The following AKAP6 variants were observed in gnomAD, a reference collection of about 807,000 sequenced individuals.
The protein encoded by AKAP6 is A-kinase anchoring protein 6.
In AKAP6, 58 loss-of-function variants were observed where a neutral mutation model predicts 188.5. That is an observed-to-expected ratio of 0.31 (90% confidence interval 0.25 to 0.38). The LOEUF (loss-of-function observed/expected upper bound fraction) is 0.38. AKAP6 is among the 10% of genes least tolerant of loss of function. AKAP6 has a pLI of 1.00. For missense variants in AKAP6, 2,710 were observed against 2,740.0 expected (o/e 0.99, Z 0.24); for synonymous variants, 989 against 998.6 (o/e 0.99, Z 0.18).
intron 12 of AKAP6, among the ~76,000 whole-genome samples, chr14:32,820,821 G>A (rs564689487): frequency 7.2e-5 from 11 of 152,212 alleles, no homozygotes; most frequent in African/African-American, 2.4e-4. Flanking sequence ...CCCTGAATAG[G>A]AACACAGAGG....
intron 4 of AKAP6, among the ~76,000 whole-genome samples, chr14:32,570,157 A>T (rs1884412729): frequency 8.7e-6 from 1 of 114,954 alleles, no homozygotes; most frequent in Non-Finnish European, 1.7e-5. Context: ...TTTGAGACAG[A>T]GTCTGTCTCT....
At chr14:32,576,975 G>A in intron 4 of AKAP6, 145 bp from the exon 5 acceptor site, 1 of 892,590 alleles carries the variant, frequency 1.1e-6, no homozygotes, top group South Asian at 1.9e-5. Flanking sequence ...TTCCATTACA[G>A]CAAAGATGAA....
chr14:32,371,035 T>C (rs891543725), intron 1 of AKAP6, among the ~76,000 whole-genome samples: 2 of 152,168 alleles, frequency 1.3e-5, no homozygotes, highest in Non-Finnish European at 2.9e-5. Flanking sequence ...TAAATAGTAG[T>C]ACTGAGAAGT....
chr14:32,404,504 T>G (rs1889208678), intron 1 of AKAP6, among the ~76,000 whole-genome samples: 6 of 151,558 alleles, frequency 4.0e-5, no homozygotes, highest in African/African-American at 1.5e-4. Flanking sequence ...GTGCACATCC[T>G]GTGATATTTC....
intron 7 of AKAP6, among the ~76,000 whole-genome samples, chr14:32,621,659 A>G (rs920651328): frequency 1.3e-5 from 2 of 152,090 alleles, no homozygotes; most frequent in Admixed American, 1.3e-4. Context: ...GTTCTTAGGT[A>G]GAATGTTCTG....
intron 1 of AKAP6, among the ~76,000 whole-genome samples, chr14:32,404,711 T>TATATATATATATATATATATATA (rs1555325855): frequency 1.7e-3 from 212 of 128,334 alleles, no homozygotes; most frequent in Middle Eastern, 4.0e-3. Context: ...TATATATATA[T>TATATATATATATATATATATATA]TAGTCAGAAT....
chr14:32,564,112 A>G (rs1414414272), intron 4 of AKAP6, among the ~76,000 whole-genome samples: 3 of 152,142 alleles, frequency 2.0e-5, no homozygotes, highest in Non-Finnish European at 4.4e-5. Flanking sequence ...GTTACTTGTA[A>G]TATCTAATAT....
intron 9 of AKAP6, among the ~76,000 whole-genome samples, chr14:32,730,142 T>G (rs1315681274): frequency 1.3e-5 from 2 of 152,102 alleles, no homozygotes; most frequent in African/African-American, 4.8e-5. Flanking sequence ...TCAATATGCT[T>G]CAAAAATTAA....
intron 1 of AKAP6, among the ~76,000 whole-genome samples, chr14:32,345,346 T>G (rs1887033731): frequency 6.6e-6 from 1 of 152,184 alleles, no homozygotes; most frequent in South Asian, 2.1e-4. Flanking sequence ...AGGAACAAAA[T>G]TGCCTGAAGG....
chr14:32,745,325 A>G (rs943855576), intron 11 of AKAP6, among the ~76,000 whole-genome samples: 1 of 152,186 alleles, frequency 6.6e-6, no homozygotes, highest in Non-Finnish European at 1.5e-5. Context: ...CCCTAAACCC[A>G]GTAATGCTGT....
intron 1 of AKAP6, among the ~76,000 whole-genome samples, chr14:32,372,216 A>G (rs1367821643): frequency 6.6e-6 from 1 of 152,212 alleles, no homozygotes; most frequent in Non-Finnish European, 1.5e-5. Flanking sequence ...ATGCAAATCA[A>G]AATTGTAACC....
chr14:32,773,941 A>C, intron 12 of AKAP6, 48 bp downstream of exon 12: 1 of 1,565,114 alleles, frequency 6.4e-7, no homozygotes, highest in South Asian at 1.1e-5. Context: ...TTTCTCAGAC[A>C]AAAAATAATT....
At chr14:32,616,634 A>C (rs778238826) in intron 7 of AKAP6, among the ~76,000 whole-genome samples, 8 of 152,160 alleles carry the variant, frequency 5.3e-5, no homozygotes, top group Non-Finnish European at 8.8e-5. Context: ...CATTAGGAAA[A>C]ATAACTAATG....
At chr14:32,776,563 G>A (rs536758914) in intron 12 of AKAP6, among the ~76,000 whole-genome samples, 1 of 152,166 alleles carries the variant, frequency 6.6e-6, no homozygotes, top group Non-Finnish European at 1.5e-5. Flanking sequence ...ATCCCCCAGG[G>A]CCTGGGAAAT....
In AKAP6 at chr14:32,678,467, A is replaced by G; in HGVS notation, c.2879+8A>G. 2 of 1,613,394 alleles carry G rather than the reference A, an allele frequency of 1.2e-6. No individual in the cohort carries two copies. The highest frequency in any genetic ancestry group is 1.1e-5 in the South Asian group (1 of 91,046). ...TTCAGTGGGAAGCAATGGGTAGGGA[A>G]CTATTCTTTTTGTTGTTTTATTCTC... On this transcript the variant is annotated splice_region_variant and intron_variant, in intron 8 of 13. Transcript: ENST00000280979.
intron 1 of AKAP6, among the ~76,000 whole-genome samples, chr14:32,383,479 A>G (rs1888435291): frequency 6.6e-6 from 1 of 152,182 alleles, no homozygotes. Context: ...GGCTGAGACA[A>G]AATATCTGAA....
At chr14:32,525,550 C>T (rs1006497445) in intron 2 of AKAP6, among the ~76,000 whole-genome samples, 2 of 152,176 alleles carry the variant, frequency 1.3e-5, no homozygotes, top group African/African-American at 4.8e-5. Flanking sequence ...ATCTCTTCCA[C>T]GCTTCCAAAT....
chr14:32,771,286 A>T (rs2032889359), intron 11 of AKAP6, among the ~76,000 whole-genome samples: 2 of 151,218 alleles, frequency 1.3e-5, no homozygotes, highest in Non-Finnish European at 2.9e-5. Flanking sequence ...CCAAGTGCAC[A>T]TGTAGGATAA....
At chr14:32,415,472 T>C (rs1195218005) in intron 1 of AKAP6, among the ~76,000 whole-genome samples, 1 of 152,206 alleles carries the variant, frequency 6.6e-6, no homozygotes, top group Non-Finnish European at 1.5e-5. Flanking sequence ...GCTAACAACA[T>C]TTCTTTTCTA....
Sources: allele counts gnomAD v4.1 joint callset (sites outside exome capture counted in the v4.1 genomes callset), GRCh38; gene constraint gnomAD v4.1.1; transcripts MANE v1.5; gene names NCBI Gene and HGNC (gene_info 2026-07-23, HGNC 2026-07-21).